ADGRE5: variants seen among roughly 807,000 people sequenced by gnomAD.
The protein encoded by ADGRE5 is CD97 molecule.
In ADGRE5, 72 loss-of-function variants were observed where a neutral mutation model predicts 100.3. The ratio of observed to expected loss-of-function variants is 0.72; its 90% CI spans 0.59 to 0.87. The LOEUF is 0.87. ADGRE5 is among the 40% of genes least tolerant of loss of function. ADGRE5 has a pLI of 0.00. For synonymous variants in ADGRE5, 439 were observed against 447.8 expected (o/e 0.98, Z 0.25); for missense variants, 959 against 1,094.7 (o/e 0.88, Z 1.75).
Position 14,406,013 on chromosome 19 carries a change from CG to C in ADGRE5, c.1821+78del. On this transcript the variant is annotated intron_variant, in intron 14 of 19. Transcript: ENST00000242786. The surrounding 1 kb of genome is among the most constrained non-coding windows in gnomAD (Gnocchi z 6.0). ...GGGAGGGGTTAGCCCCGCCCACTCCCGGGGCTCAGTCGGGTAGGCGGGCCCT... is the reference window on the plus strand; with the variant it reads ...GGGAGGGGTTAGCCCCGCCCACTCCCGGGCTCAGTCGGGTAGGCGGGCCCT... The C allele has an allele frequency of 1.6e-5, 21 of 1,347,838 alleles. No homozygotes were observed. The highest frequency in any genetic ancestry group is 2.1e-5 in the Non-Finnish European group (21 of 999,736). 83.5% of individuals were successfully genotyped at this position (1,347,838 alleles called of 1,614,324 possible).
At position 14,395,004 on chromosome 19, in the gene ADGRE5, C is replaced by A. The variant is rs184297779; in HGVS notation, c.347-1338C>A. ...TGTGGGCAGCGTGATGTGGACCCCA[C>A]AAATGGATTCAGAGGGCTGGGTGCC... On this transcript the variant is annotated intron_variant, in intron 4 of 19. Coordinates refer to ENST00000242786, the MANE Select transcript of ADGRE5 (RefSeq NM_078481.4). Among the ~76,000 whole-genome samples the A allele has an allele frequency of 1.3e-4, 20 of 152,226 alleles. No homozygotes were observed. The East Asian group carries it at 3.7e-3, about 28-fold the overall frequency.
chr19:14,402,429 C>T (rs1214706558), intron 11 of ADGRE5, among the ~76,000 whole-genome samples, 168 bp from the exon 12 acceptor site: 4 of 149,912 alleles, frequency 2.7e-5, no homozygotes, highest in Admixed American at 6.7e-5. Flanking sequence ...AGCGAAACTC[C>T]GTCTCAAAAA....
In ADGRE5 at chr19:14,406,417, G is replaced by A. The variant is rs776767113; in HGVS notation, c.1908G>A (p.Glu636=). 4 of 1,591,580 alleles carry A rather than the reference G, an allele frequency of 2.5e-6. No homozygotes were observed. Among genetic ancestry groups the A allele is most frequent in the Admixed American group, 1.8e-5 (1 of 56,328 alleles). ...GCTGGATGAGCCTCGAAGGCCTGGA[G>A]CTCTACTTTCTTGTGGTGCGCGTGT... is the stretch of plus-strand genomic sequence containing the variant. ...AFCWMSLEGL[E]LYFLVVRVFQ... is the part of the protein sequence containing the mutation. The change falls in exon 15 of 20, where the codon GAG becomes GAA. Residue 636 remains glutamate (E), a synonymous_variant. Coordinates refer to ENST00000242786, the MANE Select transcript of ADGRE5 (RefSeq NM_078481.4). The surrounding 1 kb of genome is among the most constrained non-coding windows in gnomAD (Gnocchi z 6.0).
At chr19:14,407,744 A>G (rs954845067) in intron 18 of ADGRE5, among the ~76,000 whole-genome samples, 164 bp from the exon 19 acceptor site, 13 of 151,890 alleles carry the variant, frequency 8.6e-5, no homozygotes, top group Non-Finnish European at 1.8e-4. Context: ...GCAGTAAGCT[A>G]TGATGGTGCC....
chr19:14,381,505 C>G lies in ADGRE5; in HGVS notation c.-19C>G. On this transcript the variant is annotated 5_prime_UTR_variant, in exon 1 of 20. Transcript: ENST00000242786. ...CCCACTCACTCTTTCCCCTGCCGCT[C>G]CTGCCGGCAGCTCCAACCATGGGAG... 5 of 1,610,298 alleles carry G rather than the reference C, an allele frequency of 3.1e-6. No homozygotes were observed. The highest frequency in any genetic ancestry group is 4.2e-6 in the Non-Finnish European group (5 of 1,178,318).
At chr19:14,407,637 C>CAAAAAAAA (rs1976322316) in intron 18 of ADGRE5, among the ~76,000 whole-genome samples, 1 of 130,886 alleles carries the variant, frequency 7.6e-6, no homozygotes, top group African/African-American at 3.5e-5. Flanking sequence ...AGACTTGTCT[C>CAAAAAAAA]CAAAAAAAAA....
chr19:14,408,626 T>C lies in ADGRE5; in HGVS notation c.*505T>C. 1 of 452,020 alleles carries C rather than the reference T, an allele frequency of 2.2e-6. No homozygotes were observed. Among genetic ancestry groups the C allele is most frequent in the Non-Finnish European group, 3.9e-6 (1 of 256,804 alleles). The allele number at this position is 452,020 out of a possible 1,614,324, so 28.0% of individuals were successfully genotyped here. A position where few individuals can be genotyped will look rare whatever the true frequency, so the allele number is the denominator to read the frequency against. ...CTGCCCTGCCTGGCCGGGCAGGAGGTTCTCACTGTTGTGAAGGTTGTAGAC... is the reference window on the plus strand; with the variant it reads ...CTGCCCTGCCTGGCCGGGCAGGAGGCTCTCACTGTTGTGAAGGTTGTAGAC... On this transcript the variant is annotated 3_prime_UTR_variant, in exon 20 of 20. Transcript: ENST00000242786.
At chr19:14,397,272 A>G (rs542094058) in intron 6 of ADGRE5, 49 bp downstream of exon 6, 1 of 1,612,072 alleles carries the variant, frequency 6.2e-7, no homozygotes, top group Admixed American at 1.7e-5. Flanking sequence ...ACATCTGATC[A>G]CATGTTCAAC....
At chr19:14,391,221 AC>A in intron 4 of ADGRE5, 142 bp downstream of exon 4, 4 of 998,628 alleles carry the variant, frequency 4.0e-6, no homozygotes, top group Non-Finnish European at 6.0e-6. Flanking sequence ...ACATGTACCT[AC>A]CCCACCACCC....
intron 4 of ADGRE5, among the ~76,000 whole-genome samples, chr19:14,395,078 A>T (rs2016259): frequency 0.046 from 6,989 of 152,210 alleles, 542 homozygotes; most frequent in African/African-American, 0.15. Context: ...AGGTGGAAGG[A>T]TCACTTGAGG....
chr19:14,403,111 C>T (rs1316666512), intron 12 of ADGRE5, among the ~76,000 whole-genome samples: 3 of 147,434 alleles, frequency 2.0e-5, no homozygotes, highest in Non-Finnish European at 3.0e-5. Context: ...GGCACGTTCT[C>T]GGCTCACTGC....
Position 14,404,562 on chromosome 19 carries a change from G to A in ADGRE5, c.1629G>A (p.Glu543=). 6.2e-7 allele frequency: 1 copy of A among 1,612,110 alleles called. No homozygotes were observed. Among genetic ancestry groups the A allele is most frequent in the African/African-American group, 1.3e-5 (1 of 74,924 alleles). The part of the protein sequence containing the change: ...FAILMAHYDV[E]DWKLTLITRV... The stretch of plus-strand genomic sequence containing the variant: ...TCCTTATGGCTCATTATGACGTGGA[G>A]GTAAGTAGCTGGAGGCATCCTCAAG... Residue 543 remains glutamate, a splice_region_variant and synonymous_variant, in exon 13 of 20, where the codon GAG becomes GAA. Transcript: ENST00000242786.
Position 14,405,885 on chromosome 19 carries a change from C to T in ADGRE5, c.1767C>T (p.Cys589=). The T allele has an allele frequency of 6.2e-7, 1 of 1,612,184 alleles. No individual in the cohort carries two copies. The highest frequency in any genetic ancestry group is 8.5e-7 in the Non-Finnish European group (1 of 1,179,990). The change falls in exon 14 of 20, where the codon TGC becomes TGT. Residue 589 remains cysteine, a synonymous_variant. Transcript: ENST00000242786. ...RTTIHLHLCI[C]LFVGSTIFLA... ...CCATACACCTGCACCTCTGCATCTG[C>T]CTCTTCGTGGGCTCCACCATCTTCC...
intron 3 of ADGRE5, among the ~76,000 whole-genome samples, chr19:14,390,669 G>A (rs1317792184): frequency 1.3e-5 from 2 of 152,108 alleles, no homozygotes; most frequent in Non-Finnish European, 2.9e-5. Context: ...ATGGGGATGT[G>A]GAGCTTCCTG....
At chr19:14,391,870 G>A (rs1468544696) in intron 4 of ADGRE5, among the ~76,000 whole-genome samples, 1 of 152,016 alleles carries the variant, frequency 6.6e-6, no homozygotes, top group Non-Finnish European at 1.5e-5. Flanking sequence ...GGCCGAGGTG[G>A]GTGGATCACA....
intron 4 of ADGRE5, among the ~76,000 whole-genome samples, chr19:14,393,805 C>T (rs1975683732): frequency 6.6e-6 from 1 of 152,164 alleles, no homozygotes; most frequent in Admixed American, 6.5e-5. Context: ...GTCCCCAGGG[C>T]CCCCTTGCAA....
At position 14,408,016 on chromosome 19, in the gene ADGRE5, GGCT is replaced by G; in HGVS notation, c.2478+10_2478+12del. 1 of 1,614,154 alleles carries G rather than the reference GGCT, an allele frequency of 6.2e-7. No homozygotes were observed. On this transcript the variant is annotated splice_region_variant and intron_variant, in intron 19 of 19. Transcript: ENST00000242786. ...TGGCCACAATCAGACCCGGGTAAGG[GGCT>G]GCGCCTGGGGCGGGTGTGGGCAGGA... is the stretch of plus-strand genomic sequence containing the variant.
intron 1 of ADGRE5, among the ~76,000 whole-genome samples, chr19:14,385,010 C>CTTTTT (rs56960989): frequency 1.5e-4 from 10 of 68,690 alleles, no homozygotes; most frequent in African/African-American, 2.0e-4. Context: ...GACTCTTGCT[C>CTTTTT]TTTTTTTTTT....
rs1353940096 is a variant in ADGRE5 at position 14,407,162 on chromosome 19, T to C, written c.2309T>C (p.Val770Ala). ...FDDRSLVLTY[V>A]FTILNCLQGA... is the part of the protein sequence containing the mutation. ...GATCGGAGCTTGGTGCTGACCTATG[T>C]GTTTACCATCCTCAACTGCCTGCAG... The change falls in exon 18 of 20, where the codon GTG (valine) becomes GCG (alanine). Residue 770 changes from valine to alanine, a missense_variant. Transcript: ENST00000242786. 1.2e-6 allele frequency: 2 copies of C among 1,614,024 alleles called. No homozygotes were observed. Among genetic ancestry groups the C allele is most frequent in the African/African-American group, 1.3e-5 (1 of 74,928 alleles).
Sources: allele counts gnomAD v4.1 joint callset (sites outside exome capture counted in the v4.1 genomes callset), GRCh38; gene constraint gnomAD v4.1.1; non-coding constraint Gnocchi (gnomAD v3.1); transcripts MANE v1.5; gene names NCBI Gene and HGNC (gene_info 2026-07-23, HGNC 2026-07-21).